The following TTC39C variants were observed in gnomAD, a reference collection of about 807,000 sequenced individuals.
The protein encoded by TTC39C is tetratricopeptide repeat protein 39C.
Under a neutral mutation model 76.3 loss-of-function variants are expected in TTC39C, and 33 were observed. That is an observed-to-expected ratio of 0.43 (90% confidence interval 0.33 to 0.58). TTC39C has a LOEUF of 0.58. Among genes scored for constraint, TTC39C ranks in the 20% least tolerant of loss-of-function variants. The pLI is 0.04. For missense variants in TTC39C, 595 were observed against 701.4 expected (o/e 0.85, Z 1.71); for synonymous variants, 254 against 260.6 (o/e 0.97, Z 0.24).
Position 24,116,694 on chromosome 18 carries a change from C to T in TTC39C, c.1079-1431C>T, listed in dbSNP as rs75172066. On this transcript the variant is annotated intron_variant, in intron 7 of 13. Coordinates refer to ENST00000317571, the MANE Select transcript of TTC39C (RefSeq NM_001135993.2). ...CAGTTTACACAATTACTTAGTGATGCACCTGATAACAGAATATTTTTTATG... is the reference window on the plus strand; with the variant it reads ...CAGTTTACACAATTACTTAGTGATGTACCTGATAACAGAATATTTTTTATG... 2.4e-3 allele frequency among the ~76,000 whole-genome samples: 359 copies of T among 152,220 alleles called. 1 individual carries two copies. The highest frequency in any genetic ancestry group is 8.4e-3 in the African/African-American group (347 of 41,522).
chr18:23,994,732 G>C (rs2083247818), intron 1 of TTC39C, among the ~76,000 whole-genome samples: 1 of 152,162 alleles, frequency 6.6e-6, no homozygotes, highest in Non-Finnish European at 1.5e-5. Flanking sequence ...CTCAGCAGAT[G>C]AAATGCTAGC....
rs200696364 is a variant in TTC39C, at chr18:24,118,164, T to A, written c.1118T>A (p.Phe373Tyr). The A allele has an allele frequency of 6.2e-7, 1 of 1,613,998 alleles. No homozygotes were observed. Among genetic ancestry groups the A allele is most frequent in the Non-Finnish European group, 8.5e-7 (1 of 1,179,958 alleles). The change falls in exon 8 of 14, where the codon TTT (phenylalanine) becomes TAT (tyrosine). Residue 373 changes from phenylalanine to tyrosine, a missense_variant. Phe to Tyr is a conservative substitution (Grantham distance 22). Coordinates refer to ENST00000317571, the MANE Select transcript of TTC39C (RefSeq NM_001135993.2). ...ATAGAGCTCAATTTCAAGGATGCATTTGATTCCTTTGAGAGGCTAAAAAAT... is the reference window on the plus strand; with the variant it reads ...ATAGAGCTCAATTTCAAGGATGCATATGATTCCTTTGAGAGGCTAAAAAAT... Reference protein sequence around the residue: ...SMIELNFKDAFDSFERLKNES... With the variant: ...SMIELNFKDAYDSFERLKNES...
chr18:24,078,919 T>C (rs933932615), intron 4 of TTC39C, among the ~76,000 whole-genome samples: 1 of 152,254 alleles, frequency 6.6e-6, no homozygotes, highest in African/African-American at 2.4e-5. Flanking sequence ...AGCAGTTCTA[T>C]TGAAGGATAG....
Position 24,045,935 on chromosome 18 carries a change from T to A in TTC39C, c.168-18205T>A, listed in dbSNP as rs1416691375. On this transcript the variant is annotated intron_variant, in intron 1 of 13. Coordinates refer to ENST00000317571, the MANE Select transcript of TTC39C (RefSeq NM_001135993.2). ...TATATATATATATATATATTTTTTTTTTTTTTTTTTTTTTTTTTTTTGAGA... is the reference window on the plus strand; with the variant it reads ...TATATATATATATATATATTTTTTTATTTTTTTTTTTTTTTTTTTTTGAGA... Among the ~76,000 whole-genome samples the A allele has an allele frequency of 1.7e-3, 127 of 76,276 alleles. 3 individuals carry two copies. The highest frequency in any genetic ancestry group is 4.7e-3 in the African/African-American group (72 of 15,422). 50.0% of individuals were successfully genotyped at this position (76,276 alleles called of 152,430 possible).
intron 1 of TTC39C, among the ~76,000 whole-genome samples, chr18:23,999,021 A>C (rs930735837): frequency 6.6e-6 from 1 of 152,258 alleles, no homozygotes; most frequent in East Asian, 1.9e-4. Flanking sequence ...TGACTGCCTC[A>C]GGTCTCTGTG....
chr18:24,039,647 A>C (rs942153687), intron 1 of TTC39C, among the ~76,000 whole-genome samples: 1 of 152,190 alleles, frequency 6.6e-6, no homozygotes, highest in African/African-American at 2.4e-5. Context: ...GGTGGTTTTT[A>C]AGCAGAGGAG....
intron 1 of TTC39C, among the ~76,000 whole-genome samples, chr18:24,034,900 C>T (rs1334932900): frequency 2.6e-5 from 4 of 152,138 alleles, no homozygotes; most frequent in Admixed American, 2.6e-4. Flanking sequence ...GGGTTGCTTC[C>T]ACCTTTTGGC....
At position 24,135,508 on chromosome 18, in the gene TTC39C, G is replaced by C. The variant is rs2085189652; in HGVS notation, c.*2934G>C. The C allele has an allele frequency of 6.5e-6, 1 of 153,296 alleles. No individual in the cohort carries two copies. Among genetic ancestry groups the C allele is most frequent in the African/African-American group, 2.4e-5 (1 of 41,440 alleles). The allele number at this position is 153,296 out of a possible 1,614,324, so 9.5% of individuals were successfully genotyped here. On this transcript the variant is annotated 3_prime_UTR_variant, in exon 14 of 14. Coordinates refer to ENST00000317571, the MANE Select transcript of TTC39C (RefSeq NM_001135993.2). ...CTGCGTGCCGTGACTTATCCAACCT[G>C]TGAACTGATTGTGATCTGCTTGGTA... is the stretch of plus-strand genomic sequence containing the variant.
intron 4 of TTC39C, among the ~76,000 whole-genome samples, chr18:24,074,864 C>A (rs535709475): frequency 1.3e-5 from 2 of 152,108 alleles, no homozygotes; most frequent in South Asian, 2.1e-4. Context: ...ATGTTTATTG[C>A]GGCACTATTC....
At chr18:24,029,091 G>T (rs59094882) in intron 1 of TTC39C, among the ~76,000 whole-genome samples, 11,019 of 120,118 alleles carry the variant, frequency 0.092, 757 homozygotes, top group Admixed American at 0.22. Flanking sequence ...GATGTGTGTG[G>T]TGTTGTTGTT....
At chr18:24,056,586 C>A (rs372549216) in intron 1 of TTC39C, among the ~76,000 whole-genome samples, 2 of 106,426 alleles carry the variant, frequency 1.9e-5, no homozygotes, top group African/African-American at 3.2e-5. Flanking sequence ...AGGAAATCAT[C>A]ATCAGTCCAA....
In TTC39C at chr18:24,134,554, T is replaced by A. The variant is rs753127285; in HGVS notation, c.*1980T>A. ...CCTCCCAAAGAGCTGGGATTACTGG[T>A]GTGAGCCACCGTGCCCGGCCTGGAC... On this transcript the variant is annotated 3_prime_UTR_variant, in exon 14 of 14. Coordinates refer to ENST00000317571, the MANE Select transcript of TTC39C (RefSeq NM_001135993.2). 1 of 152,140 alleles carries A rather than the reference T, an allele frequency of 6.6e-6. No individual in the cohort carries two copies. Among genetic ancestry groups the A allele is most frequent in the Non-Finnish European group, 1.5e-5 (1 of 68,030 alleles). The allele number at this position is 152,140 out of a possible 1,614,324, so 9.4% of individuals were successfully genotyped here. A position where few individuals can be genotyped will look rare whatever the true frequency, so the allele number is the denominator to read the frequency against.
At chr18:24,088,186 ACAAT>A (rs2084469619) in intron 6 of TTC39C, among the ~76,000 whole-genome samples, 1 of 152,262 alleles carries the variant, frequency 6.6e-6, no homozygotes, top group African/African-American at 2.4e-5. Context: ...TGCTGGCTAA[ACAAT>A]CAGTTTCATT....
chr18:24,119,470 A>G (rs2084938447), intron 8 of TTC39C, among the ~76,000 whole-genome samples: 1 of 152,208 alleles, frequency 6.6e-6, no homozygotes, highest in South Asian at 2.1e-4. Context: ...TGATCTATAT[A>G]AAATAAGATA....
chr18:24,013,891 C>A (rs1437609130), upstream of TTC39C, among the ~76,000 whole-genome samples: 1 of 152,236 alleles, frequency 6.6e-6, no homozygotes, highest in Non-Finnish European at 1.5e-5. Flanking sequence ...GTCATATGAA[C>A]GCCAAAGCTT....
intron 1 of TTC39C, among the ~76,000 whole-genome samples, chr18:24,055,873 A>G (rs942953107): frequency 3.3e-5 from 5 of 152,168 alleles, no homozygotes; most frequent in Non-Finnish European, 7.3e-5. Flanking sequence ...TGTTCTGGAT[A>G]ATGTTGCAAC....
rs547463037 is a variant in TTC39C, at chr18:24,107,536, G to T, written c.985-7018G>T. Among the ~76,000 whole-genome samples the T allele has an allele frequency of 4.6e-5, 7 of 152,198 alleles. No individual in the cohort carries two copies. In the East Asian group the frequency reaches 1.2e-3, roughly 25 times the overall value. Reference sequence around the variant, plus strand: ...CTCGTGATAGTGAGTGAGTTCTCACGAGATCTGATGGTTTTATAAGGGGCT... The same window carrying T: ...CTCGTGATAGTGAGTGAGTTCTCACTAGATCTGATGGTTTTATAAGGGGCT... On this transcript the variant is annotated intron_variant, in intron 6 of 13. Transcript: ENST00000317571.
At chr18:24,071,828 T>C (rs1375945097) in intron 4 of TTC39C, among the ~76,000 whole-genome samples, 1 of 152,238 alleles carries the variant, frequency 6.6e-6, no homozygotes, top group Non-Finnish European at 1.5e-5. Flanking sequence ...TTTGATATTA[T>C]TGTTACTTAA....
intron 8 of TTC39C, among the ~76,000 whole-genome samples, chr18:24,122,612 C>T (rs1378570732): frequency 6.6e-6 from 1 of 151,402 alleles, no homozygotes; most frequent in Non-Finnish European, 1.5e-5. Context: ...AAATGGATTC[C>T]GCAGCATCAG....
Sources: allele counts gnomAD v4.1 joint callset (sites outside exome capture counted in the v4.1 genomes callset), GRCh38; gene constraint gnomAD v4.1.1; transcripts MANE v1.5; gene names NCBI Gene and HGNC (gene_info 2026-07-23, HGNC 2026-07-21).